Variants in RAB38 observed in about 807,000 individuals in gnomAD.
The protein encoded by RAB38 is RAB38, member RAS oncogene family, also known as ras-related protein Rab-38.
RAB38 carries 15 observed loss-of-function variants against 18.4 expected under a neutral mutation model. That is an observed-to-expected ratio of 0.82 (90% CI 0.55 to 1.26). The LOEUF is 1.26. Ranked by LOEUF, RAB38 falls within the 50% of genes most tolerant of loss-of-function variation. The probability of loss-of-function intolerance (pLI) is 0.00; values close to 1 mark genes in which losing one functional copy is unlikely to be tolerated. For synonymous variants in RAB38, 101 were observed against 104.4 expected (o/e 0.97, Z 0.20); for missense variants, 294 against 267.4 (o/e 1.10, Z -0.69).
the RAB38 span, among the ~76,000 whole-genome samples, chr11:87,944,216 A>C: frequency 6.6e-6 from 1 of 152,188 alleles, no homozygotes; most frequent in East Asian, 1.9e-4. Context: ...ATCCTATTAG[A>C]AAAGTGGTAT....
chr11:87,828,752 TA>T, the RAB38 span, among the ~76,000 whole-genome samples: 7,440 of 152,300 alleles, frequency 0.049, 238 homozygotes, highest in African/African-American at 0.094. Flanking sequence ...TTTCTGTAAT[TA>T]CTTTTTTTCA....
chr11:87,872,769 A>C, the RAB38 span, among the ~76,000 whole-genome samples: 7 of 151,230 alleles, frequency 4.6e-5, no homozygotes, highest in Admixed American at 4.0e-4. Context: ...TTGTTTCACA[A>C]CTCTTTGTGG....
At chr11:87,835,868 A>G in the RAB38 span, among the ~76,000 whole-genome samples, 3 of 152,284 alleles carry the variant, frequency 2.0e-5, 1 homozygote, top group Non-Finnish European at 4.4e-5. Context: ...CCAGCAAACT[A>G]ATACAAATAT....
At chr11:87,967,264 C>A in the RAB38 span, among the ~76,000 whole-genome samples, 2 of 152,040 alleles carry the variant, frequency 1.3e-5, no homozygotes, top group Admixed American at 1.3e-4. Context: ...GTTACTTTAT[C>A]TCTTTAAATA....
At chr11:88,026,146 G>A in the RAB38 span, among the ~76,000 whole-genome samples, 1 of 151,924 alleles carries the variant, frequency 6.6e-6, no homozygotes, top group African/African-American at 2.4e-5. Flanking sequence ...TGTATTTTTA[G>A]TAGAGACAGG....
At chr11:87,947,002 C>T in the RAB38 span, among the ~76,000 whole-genome samples, 3 of 152,022 alleles carry the variant, frequency 2.0e-5, no homozygotes, top group East Asian at 3.9e-4. Flanking sequence ...TTTACAGTCC[C>T]ACCAACAGTG....
chr11:88,069,533 AC>A, the RAB38 span, among the ~76,000 whole-genome samples: 1 of 152,192 alleles, frequency 6.6e-6, no homozygotes, highest in Non-Finnish European at 1.5e-5. Flanking sequence ...GATTTGGAGA[AC>A]TTTTATGTCT....
At chr11:87,976,810 A>G in the RAB38 span, among the ~76,000 whole-genome samples, 1 of 79,506 alleles carries the variant, frequency 1.3e-5, no homozygotes, top group Non-Finnish European at 2.3e-5. Context: ...ATAATATATT[A>G]TATATTATAC....
the RAB38 span, among the ~76,000 whole-genome samples, chr11:87,837,611 T>C: frequency 6.6e-6 from 1 of 152,216 alleles, no homozygotes; most frequent in Non-Finnish European, 1.5e-5. Flanking sequence ...TTGGTGCTAG[T>C]CAATTATTAT....
At chr11:87,977,734 G>T in the RAB38 span, among the ~76,000 whole-genome samples, 1 of 42,732 alleles carries the variant, frequency 2.3e-5, no homozygotes, top group Non-Finnish European at 3.9e-5. Flanking sequence ...TATGACATAT[G>T]TTATATATTC....
chr11:87,828,251 G>A, the RAB38 span, among the ~76,000 whole-genome samples: 1 of 151,934 alleles, frequency 6.6e-6, no homozygotes, highest in Middle Eastern at 3.4e-3. Context: ...TAAAACTATT[G>A]CGTTATGTTT....
intron 2 of RAB38, among the ~76,000 whole-genome samples, chr11:88,144,654 T>G (rs1942958198): frequency 6.6e-6 from 1 of 152,168 alleles, no homozygotes; most frequent in African/African-American, 2.4e-5. Flanking sequence ...TGAGTATAAT[T>G]TAACGTAAGA....
At chr11:87,811,590 G>C in the RAB38 span, among the ~76,000 whole-genome samples, 1 of 152,040 alleles carries the variant, frequency 6.6e-6, no homozygotes, top group African/African-American at 2.4e-5. Flanking sequence ...TTTCTTTGCT[G>C]TAGAATCTTT....
At chr11:88,126,606 T>G (rs1591158560) in intron 2 of RAB38, among the ~76,000 whole-genome samples, 1 of 151,930 alleles carries the variant, frequency 6.6e-6, no homozygotes, top group African/African-American at 2.4e-5. Context: ...ATGTAAATGA[T>G]GAGTTAATGG....
At chr11:87,925,669 G>C in the RAB38 span, among the ~76,000 whole-genome samples, 1 of 152,052 alleles carries the variant, frequency 6.6e-6, no homozygotes, top group Non-Finnish European at 1.5e-5. Flanking sequence ...CAAGTCCCAA[G>C]AGGTGATCTC....
At chr11:88,173,566 T>C (rs545108161) in intron 1 of RAB38, 3 of 985,460 alleles carry the variant, frequency 3.0e-6, no homozygotes, top group African/African-American at 3.5e-5. Context: ...GCTGTCATGC[T>C]GTTACCTGGA....
At chr11:88,141,934 C>T (rs921781607) in intron 2 of RAB38, among the ~76,000 whole-genome samples, 1 of 152,180 alleles carries the variant, frequency 6.6e-6, no homozygotes, top group Non-Finnish European at 1.5e-5. Context: ...TGTCCTCTCT[C>T]CAACCAACAT....
the RAB38 span, among the ~76,000 whole-genome samples, chr11:88,074,493 A>G: frequency 6.6e-6 from 1 of 152,168 alleles, no homozygotes; most frequent in Admixed American, 6.5e-5. Context: ...ATAACTTGCT[A>G]TAACTGTAAG....
the RAB38 span, among the ~76,000 whole-genome samples, chr11:87,897,883 G>T: frequency 6.6e-6 from 1 of 151,576 alleles, no homozygotes; most frequent in East Asian, 2.0e-4. Context: ...CTAACCACAG[G>T]AGAAGGAGCA....
Sources: gnomAD v4.1 joint callset for allele counts (sites outside exome capture counted in the v4.1 genomes callset) on GRCh38, gnomAD v4.1.1 for gene constraint, MANE v1.5 for transcripts, NCBI Gene and HGNC (gene_info 2026-07-23, HGNC 2026-07-21) for gene names.